The following GPC5 variants were observed in gnomAD, a reference collection of about 807,000 sequenced individuals.
GPC5 encodes the protein glypican-5.
GPC5 carries 47 observed loss-of-function variants against 53.9 expected under a neutral mutation model. The ratio of observed to expected loss-of-function variants is 0.87; its 90% confidence interval spans 0.69 to 1.11. GPC5 has a LOEUF of 1.11. GPC5 is among the 50% of genes most tolerant of loss of function. GPC5 has a pLI of 0.00. For synonymous variants in GPC5, 286 were observed against 263.3 expected (o/e 1.09, Z -0.84); for missense variants, 748 against 713.1 (o/e 1.05, Z -0.56).
chr13:92,696,446 A>G (rs1233172615), intron 7 of GPC5, among the ~76,000 whole-genome samples: 1 of 152,236 alleles, frequency 6.6e-6, no homozygotes, highest in Admixed American at 6.5e-5. Context: ...TCTAATGACC[A>G]GTGATGATTA....
chr13:92,438,760 C>T (rs1001020005), intron 7 of GPC5, among the ~76,000 whole-genome samples: 1 of 151,818 alleles, frequency 6.6e-6, no homozygotes, highest in African/African-American at 2.4e-5. Context: ...GAGGCGGATT[C>T]TAAAACAATT....
At position 91,820,236 on chromosome 13, in the gene GPC5, A is replaced by G. The variant is rs148679464; in HGVS notation, c.1280+63816A>G. 6.6e-4 allele frequency among the ~76,000 whole-genome samples: 100 copies of G among 152,300 alleles called. 1 individual carries two copies. The East Asian group carries it at 0.011, about 16-fold the overall frequency. ...TGATGCACTAATTGTCAATATTTATATAATGGAATTTATTAATCATTTACT... is the reference window on the plus strand; with the variant it reads ...TGATGCACTAATTGTCAATATTTATGTAATGGAATTTATTAATCATTTACT... On this transcript the variant is annotated intron_variant, in intron 5 of 7. Coordinates refer to ENST00000377067, the MANE Select transcript of GPC5 (RefSeq NM_004466.6).
chr13:92,149,591 A>G (rs1448514992), intron 7 of GPC5, among the ~76,000 whole-genome samples: 1 of 152,020 alleles, frequency 6.6e-6, no homozygotes, highest in African/African-American at 2.4e-5. Flanking sequence ...TAGGAAAGAG[A>G]ATAGTATATT....
At chr13:91,401,922 G>A (rs1032891663) in intron 1 of GPC5, among the ~76,000 whole-genome samples, 6 of 150,930 alleles carry the variant, frequency 4.0e-5, no homozygotes, top group African/African-American at 1.5e-4. Flanking sequence ...AGATTTCCCT[G>A]TGTTCCGATT....
At chr13:91,771,635 G>T (rs980934709) in intron 5 of GPC5, among the ~76,000 whole-genome samples, 1 of 152,044 alleles carries the variant, frequency 6.6e-6, no homozygotes, top group Non-Finnish European at 1.5e-5. Context: ...AGAAGAAGAG[G>T]GTTAAAGGAC....
intron 7 of GPC5, among the ~76,000 whole-genome samples, chr13:92,232,011 A>G (rs2042534258): frequency 6.6e-6 from 1 of 152,146 alleles, no homozygotes; most frequent in South Asian, 2.1e-4. Context: ...ATTCCCTGTG[A>G]CTAAAGTTGT....
At chr13:91,828,347 A>ATAGGTAGGTAGG (rs144877705) in intron 5 of GPC5, among the ~76,000 whole-genome samples, 2 of 150,060 alleles carry the variant, frequency 1.3e-5, no homozygotes, top group Non-Finnish European at 3.0e-5. Context: ...AGATAGGTAG[A>ATAGGTAGGTAGG]TAGGTAGGTA....
intron 7 of GPC5, among the ~76,000 whole-genome samples, chr13:92,180,203 A>T (rs2042136730): frequency 6.6e-6 from 1 of 152,230 alleles, no homozygotes; most frequent in African/African-American, 2.4e-5. Context: ...AGTTAACCTG[A>T]TTTATACCAC....
chr13:92,741,951 A>C (rs1889109470), intron 7 of GPC5, among the ~76,000 whole-genome samples: 2 of 152,052 alleles, frequency 1.3e-5, no homozygotes. Flanking sequence ...TCCATGGTGT[A>C]TATGTGCCAC....
intron 7 of GPC5, among the ~76,000 whole-genome samples, chr13:92,296,547 G>A (rs868486966): frequency 6.6e-6 from 1 of 152,064 alleles, no homozygotes; most frequent in Middle Eastern, 3.4e-3. Flanking sequence ...ACCCCTGCCT[G>A]GGCTCCCACT....
At chr13:91,962,673 A>G (rs552499437) in intron 6 of GPC5, among the ~76,000 whole-genome samples, 29 of 152,262 alleles carry the variant, frequency 1.9e-4, no homozygotes, top group African/African-American at 7.0e-4. Context: ...AGTTGTAGCT[A>G]TAACCTATGC....
intron 7 of GPC5, among the ~76,000 whole-genome samples, chr13:92,857,543 G>A (rs989030026): frequency 6.6e-6 from 1 of 152,048 alleles, no homozygotes; most frequent in Non-Finnish European, 1.5e-5. Context: ...CTTACATAAT[G>A]GATAAAAATA....
At position 91,571,871 on chromosome 13, in the gene GPC5, A is replaced by ATACACACG. The variant is rs2031844527; in HGVS notation, c.326-121314_326-121313insCACACGTA. ...TATATACACATATACGTGTGTGTAT[A>ATACACACG]TATACACACATATACGTGTGTATAT... On this transcript the variant is annotated intron_variant, in intron 2 of 7. Transcript: ENST00000377067. Among the ~76,000 whole-genome samples the ATACACACG allele has an allele frequency of 2.4e-4, 17 of 70,172 alleles. 5 individuals are homozygous for ATACACACG. The highest frequency in any genetic ancestry group is 1.4e-3 in the African/African-American group (17 of 11,878). 46.0% of individuals were successfully genotyped at this position (70,172 alleles called of 152,430 possible). A position where few individuals can be genotyped will look rare whatever the true frequency, so the allele number is the denominator to read the frequency against.
At chr13:92,027,252 A>G (rs916466979) in intron 6 of GPC5, among the ~76,000 whole-genome samples, 1 of 152,198 alleles carries the variant, frequency 6.6e-6, no homozygotes, top group Non-Finnish European at 1.5e-5. Flanking sequence ...TAATTTCCAC[A>G]TATGCTGATT....
At chr13:91,548,840 A>G (rs1376697020) in intron 2 of GPC5, among the ~76,000 whole-genome samples, 3 of 152,250 alleles carry the variant, frequency 2.0e-5, no homozygotes, top group Admixed American at 6.5e-5. Flanking sequence ...CAAAGACAAT[A>G]CAAAGGAGCA....
At chr13:92,840,479 A>G (rs1393270799) in intron 7 of GPC5, among the ~76,000 whole-genome samples, 1 of 152,110 alleles carries the variant, frequency 6.6e-6, no homozygotes, top group Admixed American at 6.6e-5. Flanking sequence ...TCTTTATACC[A>G]GGACTACACT....
intron 7 of GPC5, among the ~76,000 whole-genome samples, chr13:92,817,436 G>A (rs1015628959): frequency 1.8e-4 from 27 of 151,856 alleles, no homozygotes; most frequent in Admixed American, 1.2e-3. Context: ...ATGACATTAA[G>A]ACTTAGTACA....
intron 7 of GPC5, among the ~76,000 whole-genome samples, chr13:92,290,454 A>G (rs902796913): frequency 6.6e-6 from 1 of 152,090 alleles, no homozygotes; most frequent in Non-Finnish European, 1.5e-5. Flanking sequence ...TATGCACTGC[A>G]CCCTATTTGT....
chr13:92,624,869 C>T (rs1356132897), intron 7 of GPC5, among the ~76,000 whole-genome samples: 2 of 152,138 alleles, frequency 1.3e-5, no homozygotes, highest in Non-Finnish European at 2.9e-5. Flanking sequence ...ATATCCTTCA[C>T]GAGGTAGTCT....
Sources: gnomAD v4.1 joint callset for allele counts (sites outside exome capture counted in the v4.1 genomes callset) on GRCh38, gnomAD v4.1.1 for gene constraint, MANE v1.5 for transcripts, NCBI Gene and HGNC (gene_info 2026-07-23, HGNC 2026-07-21) for gene names.